Variants in AGMO observed in about 807,000 individuals in gnomAD.
AGMO encodes glyceryl-ether monooxygenase.
A neutral mutation model predicts 60.2 loss-of-function variants in AGMO; 75 were observed. The ratio of observed to expected loss-of-function variants is 1.25; its 90% confidence interval spans 1.03 to 1.51. The LOEUF (loss-of-function observed/expected upper bound fraction) is 1.51. Ranked by LOEUF, AGMO falls within the 40% of genes most tolerant of loss-of-function variation. AGMO has a pLI of 0.00. For missense variants in AGMO, 763 were observed against 525.5 expected (o/e 1.45, Z -4.42); for synonymous variants, 261 against 177.1 (o/e 1.47, Z -3.76).
At chr7:15,284,080 T>C (rs768072942) in intron 12 of AGMO, among the ~76,000 whole-genome samples, 12 of 151,920 alleles carry the variant, frequency 7.9e-5, no homozygotes, top group Non-Finnish European at 1.5e-4. Flanking sequence ...ACAGCAAAAA[T>C]AGTGCTAAGA....
At chr7:15,247,459 C>CACAGAGAGAGAGAGAGAGAGAGAGAGAG (rs139642069) in intron 12 of AGMO, among the ~76,000 whole-genome samples, 1 of 115,262 alleles carries the variant, frequency 8.7e-6, no homozygotes, top group African/African-American at 3.5e-5. Flanking sequence ...CACACACACA[C>CACAGAGAGAGAGAGAGAGAGAGAGAGAG]AGAGAGAGAG....
chr7:15,509,312 C>A (rs1381121504), intron 3 of AGMO, among the ~76,000 whole-genome samples: 1 of 150,888 alleles, frequency 6.6e-6, no homozygotes, highest in Non-Finnish European at 1.5e-5. Flanking sequence ...CAAAAATACA[C>A]AATGGGGAAA....
chr7:15,483,542 C>T (rs1428381779), intron 3 of AGMO, among the ~76,000 whole-genome samples: 2 of 151,960 alleles, frequency 1.3e-5, no homozygotes. Flanking sequence ...TGCACTACAG[C>T]CTGGGTGACA....
chr7:15,514,783 CT>C (rs1231640823), intron 3 of AGMO, among the ~76,000 whole-genome samples: 1 of 152,158 alleles, frequency 6.6e-6, no homozygotes, highest in Non-Finnish European at 1.5e-5. Context: ...TTCCTCTTGT[CT>C]TTTAGAATTA....
chr7:15,460,257 T>G (rs1010088685), intron 3 of AGMO, among the ~76,000 whole-genome samples: 1 of 151,882 alleles, frequency 6.6e-6, no homozygotes, highest in Non-Finnish European at 1.5e-5. Flanking sequence ...AAGTCTAATT[T>G]GTTGTATTTT....
At chr7:15,167,624 C>T in the AGMO span, among the ~76,000 whole-genome samples, 8 of 152,140 alleles carry the variant, frequency 5.3e-5, no homozygotes, top group African/African-American at 1.4e-4. Context: ...ACCAAAAGTT[C>T]GCACCTATCT....
At chr7:15,224,445 C>G (rs554825037) in intron 12 of AGMO, among the ~76,000 whole-genome samples, 3 of 151,286 alleles carry the variant, frequency 2.0e-5, no homozygotes, top group Non-Finnish European at 4.4e-5. Flanking sequence ...TCCTCTCTTT[C>G]TCTCTCTCTC....
intron 12 of AGMO, among the ~76,000 whole-genome samples, chr7:15,336,545 A>C (rs1227867554): frequency 6.6e-6 from 1 of 152,192 alleles, no homozygotes; most frequent in Non-Finnish European, 1.5e-5. Context: ...GATATTTTAC[A>C]CAATTGCGTG....
chr7:15,396,437 G>A (rs776456931), intron 5 of AGMO: 2 of 152,266 alleles, frequency 1.3e-5, no homozygotes, highest in African/African-American at 4.8e-5. Flanking sequence ...GGCTTGAGAA[G>A]TGAAGCTGCA....
chr7:15,209,906 T>C (rs564202260), intron 12 of AGMO, among the ~76,000 whole-genome samples: 1 of 152,274 alleles, frequency 6.6e-6, no homozygotes, highest in East Asian at 1.9e-4. Context: ...CTTGGCAATA[T>C]AGGTACTGAT....
In AGMO at chr7:15,359,946, C is replaced by T. The variant is rs539469046; in HGVS notation, c.1263+5568G>A. 2.6e-5 allele frequency among the ~76,000 whole-genome samples: 4 copies of T among 152,214 alleles called. No homozygotes were observed. The South Asian group carries it at 8.3e-4, about 32-fold the overall frequency. On this transcript the variant is annotated intron_variant, in intron 12 of 12. Coordinates refer to ENST00000342526, the MANE Select transcript of AGMO (RefSeq NM_001004320.2). ...CTGGGAAAAGGAGAACTTATGTGTT[C>T]CTTACTAAGAATCATCACATGTGCC...
chr7:15,561,273 G>A (rs984202422), intron 1 of AGMO, among the ~76,000 whole-genome samples: 1 of 152,136 alleles, frequency 6.6e-6, no homozygotes, highest in Non-Finnish European at 1.5e-5. Flanking sequence ...GTCAGAGCTG[G>A]ACCTGGTCAA....
At chr7:15,248,223 T>TATATATATATATATATATATATA (rs71004372) in intron 12 of AGMO, among the ~76,000 whole-genome samples, 1 of 111,982 alleles carries the variant, frequency 8.9e-6, no homozygotes, top group Non-Finnish European at 1.9e-5. Flanking sequence ...TATATATATA[T>TATATATATATATATATATATATA]ATCTTCATCT....
intron 11 of AGMO, 25 bp downstream of exon 11, chr7:15,366,115 A>G (rs1782966247): frequency 6.4e-7 from 1 of 1,563,114 alleles, no homozygotes; most frequent in Non-Finnish European, 8.7e-7. Flanking sequence ...AAAAGTAAAA[A>G]CAATGCAAGA....
chr7:15,393,715 A>C (rs1033280501), intron 6 of AGMO, among the ~76,000 whole-genome samples: 6 of 152,320 alleles, frequency 3.9e-5, no homozygotes, highest in Admixed American at 3.9e-4. Flanking sequence ...TCCTTAAATC[A>C]AAACAGTTTT....
chr7:15,365,474 G>A lies in AGMO; in HGVS notation c.1263+40C>T, dbSNP rs983268744. 3 of 1,310,526 alleles carry A rather than the reference G, an allele frequency of 2.3e-6. No individual in the cohort carries two copies. The African/African-American group carries it at 4.6e-5, about 20-fold the overall frequency. 81.2% of individuals were successfully genotyped at this position (1,310,526 alleles called of 1,614,324 possible). ...GAATGAATAAATTAAATGTGCGATAGGTATACGCCATCCTGTGGCTACCTA... is the reference window on the plus strand; with the variant it reads ...GAATGAATAAATTAAATGTGCGATAAGTATACGCCATCCTGTGGCTACCTA... On this transcript the variant is annotated intron_variant, in intron 12 of 12. Transcript: ENST00000342526.
intron 12 of AGMO, among the ~76,000 whole-genome samples, chr7:15,322,621 AATATATAT>A (rs371214008): frequency 3.3e-5 from 1 of 30,266 alleles, no homozygotes. Context: ...TAAATATATA[AATATATAT>A]AAATATATAT....
chr7:15,281,906 G>C (rs1265389132), intron 12 of AGMO, among the ~76,000 whole-genome samples: 4 of 152,044 alleles, frequency 2.6e-5, no homozygotes, highest in African/African-American at 9.7e-5. Flanking sequence ...CAAACACATT[G>C]CTACTACAAT....
At chr7:15,555,520 A>G (rs560345599) in intron 2 of AGMO, among the ~76,000 whole-genome samples, 50 of 151,940 alleles carry the variant, frequency 3.3e-4, no homozygotes, top group African/African-American at 1.1e-3. Context: ...TATTACCTTT[A>G]CCGTCTGCAA....
Sources: allele counts gnomAD v4.1 joint callset (sites outside exome capture counted in the v4.1 genomes callset), GRCh38; gene constraint gnomAD v4.1.1; transcripts MANE v1.5; gene names NCBI Gene and HGNC (gene_info 2026-07-23, HGNC 2026-07-21).